The following FBXO36 variants were observed in gnomAD, a reference collection of about 807,000 sequenced individuals.
The protein encoded by FBXO36 is F-box protein 36, also known as F-box only protein 36.
Under a neutral mutation model 17.0 loss-of-function variants are expected in FBXO36, and 18 were observed. The ratio of observed to expected loss-of-function variants is 1.06; its 90% CI spans 0.73 to 1.57. The LOEUF is 1.57. Among genes scored for constraint, FBXO36 ranks in the 40% most tolerant of loss-of-function variants. The probability of loss-of-function intolerance (pLI) is 0.00; values close to 1 mark genes in which losing one functional copy is unlikely to be tolerated. For missense variants in FBXO36, 229 were observed against 221.9 expected (o/e 1.03, Z -0.20); for synonymous variants, 83 against 85.3 (o/e 0.97, Z 0.15).
At chr2:229,927,285 A>C (rs551091419) in intron 1 of FBXO36, among the ~76,000 whole-genome samples, 30 of 152,294 alleles carry the variant, frequency 2.0e-4, no homozygotes, top group African/African-American at 7.2e-4. Context: ...CTAATCTTTT[A>C]TATGTTGTAT....
chr2:230,003,026 C>T (rs193280666), intron 3 of FBXO36, among the ~76,000 whole-genome samples: 1 of 151,892 alleles, frequency 6.6e-6, no homozygotes, highest in Admixed American at 6.6e-5. Context: ...TCCTGGCCAA[C>T]ATGATGAAAC....
chr2:229,975,895 T>C lies in FBXO36; in HGVS notation c.97-346T>C, dbSNP rs574338024. On this transcript the variant is annotated intron_variant, in intron 1 of 3. Coordinates refer to ENST00000283946, the MANE Select transcript of FBXO36 (RefSeq NM_174899.5). Reference sequence around the variant, plus strand: ...CGATCTCGGCTCACTGCAACCTCCGTCTCTAGTGTTGAAGCAATTCTCCTG... The same window carrying C: ...CGATCTCGGCTCACTGCAACCTCCGCCTCTAGTGTTGAAGCAATTCTCCTG... 4.0e-5 allele frequency among the ~76,000 whole-genome samples: 6 copies of C among 151,870 alleles called. No homozygotes were observed. In the South Asian group the frequency reaches 1.3e-3, roughly 32 times the overall value.
chr2:229,989,378 C>T (rs572424106), intron 2 of FBXO36, among the ~76,000 whole-genome samples: 1 of 152,302 alleles, frequency 6.6e-6, no homozygotes, highest in Non-Finnish European at 1.5e-5. Flanking sequence ...CTGCCTCAGC[C>T]TCCTGAGTAG....
chr2:230,010,690 C>CCA lies in FBXO36; in HGVS notation c.379-3_379-2dup, dbSNP rs1457057714. On this transcript the variant is annotated splice_polypyrimidine_tract_variant and splice_region_variant and intron_variant, in intron 3 of 3. Coordinates refer to ENST00000283946, the MANE Select transcript of FBXO36 (RefSeq NM_174899.5). Reference sequence around the variant, plus strand: ...GTAACCCACCTCTGACTTTTCCCACCCACAGCTGTGCATGTCTGATAAACT... The same window carrying CCA: ...GTAACCCACCTCTGACTTTTCCCACCCACACAGCTGTGCATGTCTGATAAACT... 6.3e-7 allele frequency: 1 copy of CCA among 1,596,456 alleles called. No individual in the cohort carries two copies. Among genetic ancestry groups the CCA allele is most frequent in the Non-Finnish European group, 8.6e-7 (1 of 1,167,040 alleles).
At chr2:229,945,438 C>G (rs1325796262) in intron 1 of FBXO36, among the ~76,000 whole-genome samples, 2 of 152,060 alleles carry the variant, frequency 1.3e-5, no homozygotes, top group African/African-American at 4.8e-5. Flanking sequence ...TCCCGAGTAG[C>G]TGGGAGTACA....
chr2:229,984,460 G>A (rs1467386535), intron 2 of FBXO36, among the ~76,000 whole-genome samples: 2 of 5,952 alleles, frequency 3.4e-4, no homozygotes, highest in Non-Finnish European at 5.7e-4. Flanking sequence ...GCGTGATCTC[G>A]GCTCACTGCA....
Position 229,963,736 on chromosome 2 carries a change from G to A in FBXO36, c.97-12505G>A, listed in dbSNP as rs953542263. On this transcript the variant is annotated intron_variant, in intron 1 of 3. Coordinates refer to ENST00000283946, the MANE Select transcript of FBXO36 (RefSeq NM_174899.5). ...TGGAATTACAGGCGTGAGCCACCGC[G>A]CCCAGCCTATCCTTTGTGTTTCTTA... 7.9e-5 allele frequency among the ~76,000 whole-genome samples: 12 copies of A among 152,240 alleles called. No homozygotes were observed. In the South Asian group the frequency reaches 1.0e-3, roughly 13 times the overall value.
intron 3 of FBXO36, among the ~76,000 whole-genome samples, chr2:230,002,058 G>A (rs965745974): frequency 5.9e-5 from 9 of 151,930 alleles, no homozygotes; most frequent in South Asian, 2.1e-4. Flanking sequence ...GGCTGGTCTC[G>A]AACTCCTGAC....
intron 2 of FBXO36, among the ~76,000 whole-genome samples, chr2:229,991,600 T>A (rs189718450): frequency 6.6e-6 from 1 of 152,306 alleles, no homozygotes; most frequent in African/African-American, 2.4e-5. Flanking sequence ...GTCCAAAGTC[T>A]TCTCCTTTTG....
At chr2:230,008,447 A>G (rs1374048353) in intron 3 of FBXO36, among the ~76,000 whole-genome samples, 2 of 152,196 alleles carry the variant, frequency 1.3e-5, no homozygotes, top group African/African-American at 4.8e-5. Context: ...GCAACTACTA[A>G]GCAAAAGATC....
At chr2:229,992,863 A>T (rs1468026004) in intron 2 of FBXO36, among the ~76,000 whole-genome samples, 3 of 152,174 alleles carry the variant, frequency 2.0e-5, no homozygotes, top group Non-Finnish European at 4.4e-5. Flanking sequence ...CCATTCAAGG[A>T]TGGCTTATAC....
rs2077423994 is a variant in FBXO36 at position 230,013,072 on chromosome 2, C to G, written c.*2188C>G. On this transcript the variant is annotated 3_prime_UTR_variant, in exon 4 of 4. Transcript: ENST00000283946. ...TATGTTAACTATTGTTAAATAATAG[C>G]TAAAATAATACAGATTATTAAATTA... 6.6e-6 allele frequency: 1 copy of G among 151,412 alleles called. No individual in the cohort carries two copies. Among genetic ancestry groups the G allele is most frequent in the African/African-American group, 2.4e-5 (1 of 41,364 alleles). The allele number at this position is 151,412 out of a possible 1,614,324, so 9.4% of individuals were successfully genotyped here.
At chr2:229,982,818 C>T (rs1341295208) in intron 2 of FBXO36, among the ~76,000 whole-genome samples, 1 of 146,658 alleles carries the variant, frequency 6.8e-6, no homozygotes, top group African/African-American at 2.5e-5. Flanking sequence ...AATTTAATCA[C>T]ATCTGCACAG....
chr2:230,012,267 A>G lies in FBXO36; in HGVS notation c.*1383A>G, dbSNP rs2077419446. On this transcript the variant is annotated 3_prime_UTR_variant, in exon 4 of 4. Coordinates refer to ENST00000283946, the MANE Select transcript of FBXO36 (RefSeq NM_174899.5). ...GGGCTCTACAGCATGGCTTAGTGAC[A>G]TTAAAAAAAAAAACTGAACCCATGT... The G allele has an allele frequency of 6.6e-6, 1 of 152,048 alleles. No individual in the cohort carries two copies. Among genetic ancestry groups the G allele is most frequent in the Non-Finnish European group, 1.5e-5 (1 of 68,022 alleles). The allele number at this position is 152,048 out of a possible 1,614,324, so 9.4% of individuals were successfully genotyped here.
At chr2:229,971,362 A>G (rs1486413048) in intron 1 of FBXO36, among the ~76,000 whole-genome samples, 1 of 151,440 alleles carries the variant, frequency 6.6e-6, no homozygotes, top group Non-Finnish European at 1.5e-5. Context: ...CTCAAAAGAA[A>G]AAAAAAAAAA....
At chr2:229,986,533 A>AAT (rs1560450936) in intron 2 of FBXO36, among the ~76,000 whole-genome samples, 2 of 140,360 alleles carry the variant, frequency 1.4e-5, no homozygotes, top group African/African-American at 2.6e-5. Context: ...AAACATAAAA[A>AAT]TTTTTTTTTT....
intron 1 of FBXO36, among the ~76,000 whole-genome samples, chr2:229,924,912 G>T (rs553353726): frequency 6.6e-6 from 1 of 152,106 alleles, no homozygotes; most frequent in Admixed American, 6.5e-5. Context: ...GGGATTACAG[G>T]CGCCCGCCAC....
chr2:229,938,260 C>A (rs889433436), intron 1 of FBXO36, among the ~76,000 whole-genome samples: 2 of 89,792 alleles, frequency 2.2e-5, no homozygotes, highest in South Asian at 3.8e-4. Context: ...TCGCTCTTGT[C>A]GCCCAGGCTG....
chr2:229,991,417 G>A lies in FBXO36; in HGVS notation c.206-5334G>A, dbSNP rs368844928. On this transcript the variant is annotated intron_variant, in intron 2 of 3. Coordinates refer to ENST00000283946, the MANE Select transcript of FBXO36 (RefSeq NM_174899.5). Reference sequence around the variant, plus strand: ...AATTAAGGTTAAATAAGGTCTTTAAGTTGGGGCCCTAATCTGATAGAATTG... The same window carrying A: ...AATTAAGGTTAAATAAGGTCTTTAAATTGGGGCCCTAATCTGATAGAATTG... 1.4e-4 allele frequency among the ~76,000 whole-genome samples: 21 copies of A among 152,224 alleles called. No homozygotes were observed. The East Asian group carries it at 1.9e-3, about 14-fold the overall frequency.
Sources: gnomAD v4.1 joint callset for allele counts (sites outside exome capture counted in the v4.1 genomes callset) on GRCh38, gnomAD v4.1.1 for gene constraint, MANE v1.5 for transcripts, NCBI Gene and HGNC (gene_info 2026-07-23, HGNC 2026-07-21) for gene names.